ZNF536: variants seen among roughly 807,000 people sequenced by gnomAD.
ZNF536 encodes zinc finger protein 536.
ZNF536 carries 13 observed loss-of-function variants against 84.5 expected under a neutral mutation model. That is an observed-to-expected ratio of 0.15 (90% CI 0.10 to 0.24). ZNF536 has a LOEUF of 0.24. Ranked by LOEUF, ZNF536 falls within the 10% of genes least tolerant of loss-of-function variation. ZNF536 has a pLI of 1.00. For missense variants in ZNF536, 1,536 were observed against 1,747.5 expected (o/e 0.88, Z 2.16); for synonymous variants, 811 against 742.5 (o/e 1.09, Z -1.50).
chr19:30,235,137 C>G (rs867953194), intron 1 of ZNF536, among the ~76,000 whole-genome samples: 7 of 152,286 alleles, frequency 4.6e-5, no homozygotes, highest in African/African-American at 1.4e-4. Context: ...ACATTACACA[C>G]CCCGGGTGCA....
At chr19:30,617,903 T>C (rs566408000) in intron 1 of ZNF536, among the ~76,000 whole-genome samples, 1 of 152,374 alleles carries the variant, frequency 6.6e-6, no homozygotes, top group South Asian at 2.1e-4. Context: ...GGTTCTGTAC[T>C]AGAATTCCAT....
intron 1 of ZNF536, among the ~76,000 whole-genome samples, chr19:30,396,633 C>T (rs1246548305): frequency 5.5e-5 from 8 of 144,416 alleles, no homozygotes; most frequent in African/African-American, 2.1e-4. Context: ...CTCTCTCTGT[C>T]GCCCAGGCTG....
rs184189952 is a variant in ZNF536 at position 30,374,300 on chromosome 19, A to G, written c.-3+1744A>G. Among the ~76,000 whole-genome samples, 53 of 152,030 alleles carry G rather than the reference A, an allele frequency of 3.5e-4. 1 individual carries two copies. The East Asian group carries it at 9.9e-3, about 28-fold the overall frequency. On this transcript the variant is annotated intron_variant, in intron 1 of 4. Coordinates refer to ENST00000355537, the MANE Select transcript of ZNF536 (RefSeq NM_014717.3). ...TTATTTATATTTTATATTAATATTA[A>G]TGGAAATATATATATCTTAAATCTC...
intron 2 of ZNF536, among the ~76,000 whole-genome samples, chr19:30,449,051 A>G (rs2052480063): frequency 6.6e-6 from 1 of 152,234 alleles, no homozygotes; most frequent in South Asian, 2.1e-4. Context: ...CTGAGAACCA[A>G]GCTTAAGATC....
intron 1 of ZNF536, among the ~76,000 whole-genome samples, chr19:30,576,220 T>C (rs62103417): frequency 0.34 from 52,172 of 152,070 alleles, 8,979 homozygotes; most frequent in East Asian, 0.42. Flanking sequence ...GGGGGACCCA[T>C]GGGTGGGAAG....
chr19:30,647,106 A>T (rs997372234), intron 1 of ZNF536, among the ~76,000 whole-genome samples: 1 of 152,034 alleles, frequency 6.6e-6, no homozygotes, highest in Non-Finnish European at 1.5e-5. Context: ...TTCCCTCTTG[A>T]ATTCCTTTTT....
intron 1 of ZNF536, among the ~76,000 whole-genome samples, chr19:30,681,404 A>C (rs2050965476): frequency 6.6e-6 from 1 of 152,132 alleles, no homozygotes; most frequent in Non-Finnish European, 1.5e-5. Flanking sequence ...GGGGCATCAC[A>C]GGGGGCTTCC....
intron 3 of ZNF536, among the ~76,000 whole-genome samples, chr19:30,540,840 C>T (rs2045300030): frequency 6.6e-6 from 1 of 152,368 alleles, no homozygotes; most frequent in Non-Finnish European, 1.5e-5. Flanking sequence ...GTGGTGTTGG[C>T]GCAGCCTCCA....
At chr19:30,479,872 C>T (rs1282627779) in intron 2 of ZNF536, among the ~76,000 whole-genome samples, 1 of 152,160 alleles carries the variant, frequency 6.6e-6, no homozygotes, top group Non-Finnish European at 1.5e-5. Context: ...TTTTTATCTC[C>T]GTGGAAATCA....
intron 2 of ZNF536, among the ~76,000 whole-genome samples, chr19:30,476,883 G>T (rs2053869764): frequency 6.6e-6 from 1 of 152,094 alleles, no homozygotes; most frequent in Non-Finnish European, 1.5e-5. Flanking sequence ...CTACTCTCCT[G>T]CTCTTTCTGT....
At chr19:30,610,478 C>T (rs2048067537) in intron 1 of ZNF536, among the ~76,000 whole-genome samples, 1 of 152,186 alleles carries the variant, frequency 6.6e-6, no homozygotes, top group Non-Finnish European at 1.5e-5. Context: ...ATGGCTGCTC[C>T]ATCAGCAGGT....
At chr19:30,265,853 G>A (rs1283785374) in intron 1 of ZNF536, among the ~76,000 whole-genome samples, 2 of 152,028 alleles carry the variant, frequency 1.3e-5, no homozygotes, top group Non-Finnish European at 2.9e-5. Flanking sequence ...CTGTCAAAGG[G>A]TAAGAAGAAG....
At chr19:30,622,702 G>A (rs1209087532) in intron 1 of ZNF536, among the ~76,000 whole-genome samples, 3 of 152,200 alleles carry the variant, frequency 2.0e-5, no homozygotes, top group Admixed American at 2.0e-4. Flanking sequence ...CTACGCAGCT[G>A]TAGGTTGAAG....
intron 1 of ZNF536, among the ~76,000 whole-genome samples, chr19:30,694,654 G>A (rs1322098002): frequency 6.6e-6 from 1 of 151,788 alleles, no homozygotes; most frequent in Non-Finnish European, 1.5e-5. Context: ...TTTTTTAAAT[G>A]TAACATTGGC....
intron 1 of ZNF536, among the ~76,000 whole-genome samples, chr19:30,374,881 C>A (rs1458511548): frequency 1.3e-5 from 2 of 151,438 alleles, no homozygotes; most frequent in East Asian, 4.0e-4. Flanking sequence ...GGCTGGGGCG[C>A]CTGCCGCCCG....
At chr19:30,598,259 A>G (rs2047537380) in intron 1 of ZNF536, among the ~76,000 whole-genome samples, 1 of 152,196 alleles carries the variant, frequency 6.6e-6, no homozygotes, top group Admixed American at 6.5e-5. Context: ...CTGTGAGAGT[A>G]GCCTCCCCAG....
At chr19:30,268,715 T>C (rs1297487212) in intron 1 of ZNF536, among the ~76,000 whole-genome samples, 1 of 152,120 alleles carries the variant, frequency 6.6e-6, no homozygotes, top group Non-Finnish European at 1.5e-5. Flanking sequence ...ATGATTAGAG[T>C]ACTTAGAGTT....
intron 1 of ZNF536, among the ~76,000 whole-genome samples, chr19:30,421,133 G>A (rs1432736351): frequency 1.3e-5 from 2 of 152,192 alleles, no homozygotes; most frequent in African/African-American, 4.8e-5. Context: ...GGCTTCGGAG[G>A]CAGTGAAGGT....
At chr19:30,270,903 A>G (rs2025795234) in intron 1 of ZNF536, among the ~76,000 whole-genome samples, 1 of 152,196 alleles carries the variant, frequency 6.6e-6, no homozygotes, top group Non-Finnish European at 1.5e-5. Context: ...GTTAATGTAT[A>G]AAACATTTTC....
Sources: gnomAD v4.1 joint callset for allele counts (sites outside exome capture counted in the v4.1 genomes callset) on GRCh38, gnomAD v4.1.1 for gene constraint, MANE v1.5 for transcripts, NCBI Gene and HGNC (gene_info 2026-07-23, HGNC 2026-07-21) for gene names.